The following GGA2 variants were observed in gnomAD, a reference collection of about 807,000 sequenced individuals.
GGA2 encodes the protein golgi associated, gamma adaptin ear containing, ARF binding protein 2, also known as ADP-ribosylation factor-binding protein GGA2.
A neutral mutation model predicts 79.5 loss-of-function variants in GGA2; 48 were observed. The ratio of observed to expected loss-of-function variants is 0.60; its 90% CI spans 0.48 to 0.77. The LOEUF (loss-of-function observed/expected upper bound fraction) is 0.77. Among genes scored for constraint, GGA2 ranks in the 30% least tolerant of loss-of-function variants. GGA2 has a pLI of 0.00. For missense variants in GGA2, 770 were observed against 774.0 expected, an observed-to-expected ratio of 0.99 and a Z score of 0.06; for synonymous variants, 317 against 302.0, an observed-to-expected ratio of 1.05 and a Z score of -0.51.
rs142107518 is a variant in GGA2 at position 23,467,668 on chromosome 16, G to C, written c.1764C>G (p.Phe588Leu). ...EPIRLRYKLT[F>L]NQGGQPFSEV... ...CGCTGAAAGGCTGTCCACCTTGGTT[G>C]AATGTCAGCTTGTACCGTAAGCGGA... Residue 588 changes from phenylalanine to leucine, a missense_variant, in exon 17 of 17, where the codon TTC (phenylalanine) becomes TTG (leucine). Phe to Leu is a conservative substitution (Grantham distance 22, BLOSUM62 0). Transcript: ENST00000309859. The C allele has an allele frequency of 4.9e-5, 78 of 1,605,066 alleles. No homozygotes were observed. The highest frequency in any genetic ancestry group is 5.5e-5 in the Non-Finnish European group (65 of 1,171,828).
upstream of GGA2, among the ~76,000 whole-genome samples, chr16:23,511,016 C>CGTGTGTGT (rs145140640): frequency 6.9e-5 from 2 of 28,838 alleles, no homozygotes; most frequent in African/African-American, 1.2e-4. Flanking sequence ...TGGGTTTCAC[C>CGTGTGTGT]GTGTGTGTGT....
chr16:23,510,305 C>G lies in GGA2; in HGVS notation c.91+16G>C, dbSNP rs925244404. ...GCGGCGCAGCGGCTGCGCCGAAGGC[C>G]TGCCAGGCTACTCACTGAGCCACAG... is the stretch of plus-strand genomic sequence containing the variant. On this transcript the variant is annotated intron_variant, in intron 1 of 16. Transcript: ENST00000309859. 6 of 1,416,936 alleles carry G rather than the reference C, an allele frequency of 4.2e-6. No homozygotes were observed. The highest frequency in any genetic ancestry group is 9.3e-7 in the Non-Finnish European group (1 of 1,078,890). 87.8% of individuals were successfully genotyped at this position (1,416,936 alleles called of 1,614,324 possible).
intron 1 of GGA2, among the ~76,000 whole-genome samples, chr16:23,503,569 A>C (rs1964942354): frequency 6.6e-6 from 1 of 152,234 alleles, no homozygotes; most frequent in East Asian, 1.9e-4. Context: ...CCTAGTGATA[A>C]TGTACTTACG....
Position 23,495,765 on chromosome 16 carries a change from G to T in GGA2, c.105C>A (p.Asp35Glu), listed in dbSNP as rs761488307. 2 of 1,610,686 alleles carry T rather than the reference G, an allele frequency of 1.2e-6. No homozygotes were observed. Among genetic ancestry groups the T allele is most frequent in the Non-Finnish European group, 1.7e-6 (2 of 1,177,092 alleles). Residue 35 changes from aspartate to glutamate, a missense_variant, in exon 2 of 17, where the codon GAC becomes GAA. By Grantham distance (45) the Asp-to-Glu change is conservative (BLOSUM62 2). Transcript: ENST00000309859. The part of the protein sequence containing the change: ...SLELWLNKAT[D>E]PSMSEQDWSA... ...ACCAATCCTGTTCCGACATGCTTGG[G>T]TCTGTGGCTTTGTCTGTCAAATAAA...
upstream of GGA2, among the ~76,000 whole-genome samples, chr16:23,513,034 C>G (rs1262769923): frequency 6.6e-6 from 1 of 152,096 alleles, no homozygotes; most frequent in African/African-American, 2.4e-5. Context: ...ATATTTATCT[C>G]TTGAAGATTC....
rs766104456 is a variant in GGA2, at chr16:23,468,937, C to T, written c.1680G>A (p.Leu560=). 6.2e-7 allele frequency: 1 copy of T among 1,612,350 alleles called. No individual in the cohort carries two copies. Among genetic ancestry groups the T allele is most frequent in the African/African-American group, 1.3e-5 (1 of 75,006 alleles). Residue 560 remains leucine (L), a synonymous_variant, in exon 16 of 17, where the codon TTG becomes TTA. Coordinates refer to ENST00000309859, the MANE Select transcript of GGA2 (RefSeq NM_015044.4). ...TCTGAGATATCACAGCTGGAGGCAT[C>T]AAAGGACTGAATGCAGGAAGCTTGG... ...SSSKLPAFSP[L]MPPAVISQML...
At chr16:23,467,810 G>T in intron 16 of GGA2, 110 bp from the exon 17 acceptor site, 2 of 696,484 alleles carry the variant, frequency 2.9e-6, no homozygotes, top group East Asian at 2.7e-5. Flanking sequence ...AAATACCTGG[G>T]ATACTCTCTT....
Position 23,465,265 on chromosome 16 carries a change from G to A in GGA2, c.*2325C>T, listed in dbSNP as rs528216093. 999 of 692,216 alleles carry A rather than the reference G, an allele frequency of 1.4e-3. No individual in the cohort carries two copies. Among genetic ancestry groups the A allele is most frequent in the Non-Finnish European group, 2.1e-3 (794 of 379,466 alleles). The allele number at this position is 692,216 out of a possible 1,614,324, so 42.9% of individuals were successfully genotyped here. On this transcript the variant is annotated 3_prime_UTR_variant, in exon 17 of 17. Transcript: ENST00000309859. ...CTCCCAAAATGCTGGGATTATAGGCGTGAGCCACTGTGCACAGCCAATAAC... is the reference window on the plus strand; with the variant it reads ...CTCCCAAAATGCTGGGATTATAGGCATGAGCCACTGTGCACAGCCAATAAC...
At chr16:23,515,632 T>C (rs1965098759) in intron 2 of GGA2, among the ~76,000 whole-genome samples, 1 of 151,814 alleles carries the variant, frequency 6.6e-6, no homozygotes, top group Admixed American at 6.6e-5. Flanking sequence ...CCGATATTTC[T>C]TTACAGCAAC....
At chr16:23,501,763 T>C (rs1964924331) in intron 1 of GGA2, 1 of 160,038 alleles carries the variant, frequency 6.2e-6, no homozygotes, top group African/African-American at 2.4e-5. Context: ...AGGATTTTCT[T>C]TTTTTGTTGT....
At chr16:23,497,158 C>T (rs1964866949) in intron 1 of GGA2, among the ~76,000 whole-genome samples, 1 of 151,916 alleles carries the variant, frequency 6.6e-6, no homozygotes, top group South Asian at 2.1e-4. Context: ...GCCATCTGGT[C>T]CTGGCCTGCC....
chr16:23,518,768 T>C (rs4968016), intron 2 of GGA2, among the ~76,000 whole-genome samples: 124,982 of 152,208 alleles, frequency 0.82, 51,419 homozygotes, highest in Middle Eastern at 0.89. Flanking sequence ...CTGAAGAAAC[T>C]GATCTTACTA....
intron 13 of GGA2, among the ~76,000 whole-genome samples, chr16:23,475,972 C>T (rs913283574): frequency 6.6e-6 from 1 of 151,756 alleles, no homozygotes; most frequent in African/African-American, 2.4e-5. Context: ...AAAATGTCCA[C>T]ACATAATAAG....
intron 5 of GGA2, 78 bp downstream of exon 5, chr16:23,491,599 A>G: frequency 7.1e-7 from 1 of 1,416,880 alleles, no homozygotes; most frequent in African/African-American, 1.4e-5. Flanking sequence ...TTTCAACAAA[A>G]AATTATAAGG....
intron 1 of GGA2, chr16:23,501,063 G>A (rs1332351460): frequency 2.8e-6 from 1 of 362,914 alleles, no homozygotes; most frequent in Non-Finnish European, 5.4e-6. Flanking sequence ...GCACAGATAC[G>A]CAAATAGATC....
At chr16:23,484,408 A>G (rs1964687361) in intron 8 of GGA2, among the ~76,000 whole-genome samples, 1 of 152,156 alleles carries the variant, frequency 6.6e-6, no homozygotes, top group Admixed American at 6.5e-5. Flanking sequence ...ACAGAGCGAG[A>G]CCTTGTCTCA....
At chr16:23,507,083 C>A (rs1964981784) in intron 1 of GGA2, among the ~76,000 whole-genome samples, 1 of 152,094 alleles carries the variant, frequency 6.6e-6, no homozygotes, top group Admixed American at 6.6e-5. Flanking sequence ...ATTCTCTCCC[C>A]CTCCTTCTAC....
Position 23,464,026 on chromosome 16 carries a change from G to A in GGA2, c.*3564C>T, listed in dbSNP as rs988318219. On this transcript the variant is annotated 3_prime_UTR_variant, in exon 17 of 17. Transcript: ENST00000309859. Reference sequence around the variant, plus strand: ...CGCTGGGTAAGCATCTTCTATAATGGGTATATTTAAAGGATTTGGGATTAA... The same window carrying A: ...CGCTGGGTAAGCATCTTCTATAATGAGTATATTTAAAGGATTTGGGATTAA... 6.6e-6 allele frequency: 1 copy of A among 152,002 alleles called. No homozygotes were observed. The highest frequency in any genetic ancestry group is 1.5e-5 in the Non-Finnish European group (1 of 68,022). The allele number at this position is 152,002 out of a possible 1,614,324, so 9.4% of individuals were successfully genotyped here.
intron 16 of GGA2, 120 bp from the exon 17 acceptor site, chr16:23,467,820 T>C (rs1964460922): frequency 3.0e-6 from 2 of 674,610 alleles, no homozygotes; most frequent in South Asian, 3.2e-5. Flanking sequence ...GATACTCTCT[T>C]TGGGACTACA....
Sources: allele counts gnomAD v4.1 joint callset (sites outside exome capture counted in the v4.1 genomes callset), GRCh38; gene constraint gnomAD v4.1.1; transcripts MANE v1.5; gene names NCBI Gene and HGNC (gene_info 2026-07-23, HGNC 2026-07-21).